The following COG2 variants were observed in gnomAD, a reference collection of about 807,000 sequenced individuals.
COG2 encodes the protein conserved oligomeric Golgi complex subunit 2.
COG2 carries 52 observed loss-of-function variants against 90.6 expected under a neutral mutation model. That is an observed-to-expected ratio of 0.57 (90% CI 0.46 to 0.72). The LOEUF (loss-of-function observed/expected upper bound fraction) is 0.72, where lower values mean the gene tolerates loss of function less well. COG2 is among the 30% of genes least tolerant of loss of function. The pLI is 0.00. For missense variants in COG2, 829 were observed against 891.2 expected (o/e 0.93, Z 0.89); for synonymous variants, 337 against 320.4 (o/e 1.05, Z -0.55).
intron 10 of COG2, chr1:230,683,122 T>G (rs1261505598): frequency 6.4e-6 from 1 of 156,540 alleles, no homozygotes; most frequent in African/African-American, 2.4e-5. Flanking sequence ...CCTGTGATTT[T>G]TCTCAAGCTG....
chr1:230,683,521 A>T, intron 10 of COG2, 53 bp from the exon 11 acceptor site: 1 of 1,348,138 alleles, frequency 7.4e-7, no homozygotes, highest in Non-Finnish European at 1.1e-6. Flanking sequence ...TGGATAGGGA[A>T]AGGCATCTGT....
intron 5 of COG2, among the ~76,000 whole-genome samples, chr1:230,664,942 A>T (rs1364972253): frequency 6.6e-6 from 1 of 152,234 alleles, no homozygotes; most frequent in Non-Finnish European, 1.5e-5. Flanking sequence ...GGCCCAGAGT[A>T]TTCCAGTTGA....
In COG2 at chr1:230,659,515, C is replaced by T. The variant is rs376190622; in HGVS notation, c.124C>T (p.Leu42=). The change falls in exon 2 of 18, where the codon CTG becomes TTG. Residue 42 remains leucine (L), a synonymous_variant. Coordinates refer to ENST00000366669, the MANE Select transcript of COG2 (RefSeq NM_007357.3). The stretch of plus-strand genomic sequence containing the variant: ...GTCTGACTGTAGGAAGCGGGTCCAG[C>T]TGGAAGAACTGAGAGATGACCTGGA... The part of the protein sequence containing the change: ...FVSDCRKRVQ[L]EELRDDLELY... 6.2e-7 allele frequency: 1 copy of T among 1,613,918 alleles called. No individual in the cohort carries two copies. Among genetic ancestry groups the T allele is most frequent in the African/African-American group, 1.3e-5 (1 of 75,046 alleles).
chr1:230,685,017 C>CACGTT, intron 11 of COG2, 68 bp from the exon 12 acceptor site: 1 of 1,527,972 alleles, frequency 6.5e-7, no homozygotes. Flanking sequence ...TCGGAAGTCT[C>CACGTT]ACATTAGACT....
intron 9 of COG2, chr1:230,678,635 A>G: frequency 7.3e-7 from 1 of 1,370,018 alleles, no homozygotes; most frequent in Non-Finnish European, 9.6e-7. Context: ...GCCCTAGAAC[A>G]TGAGCACTGC....
At chr1:230,688,338 G>A in intron 14 of COG2, 82 bp from the exon 15 acceptor site, 1 of 1,500,846 alleles carries the variant, frequency 6.7e-7, no homozygotes, top group Non-Finnish European at 9.2e-7. Flanking sequence ...AGTACACAAT[G>A]TAAATGCTGT....
chr1:230,673,053 T>C (rs1374170604), intron 8 of COG2, among the ~76,000 whole-genome samples: 1 of 152,196 alleles, frequency 6.6e-6, no homozygotes, highest in Non-Finnish European at 1.5e-5. Context: ...TTGCTACTTT[T>C]GTTTAGTAAT....
chr1:230,646,333 C>T (rs1661775629), intron 1 of COG2, among the ~76,000 whole-genome samples: 2 of 152,300 alleles, frequency 1.3e-5, no homozygotes, highest in South Asian at 4.1e-4. Flanking sequence ...TCTCTGCTTC[C>T]TTCCCTGACC....
At chr1:230,650,736 C>G (rs890298058) in intron 1 of COG2, among the ~76,000 whole-genome samples, 5 of 152,062 alleles carry the variant, frequency 3.3e-5, no homozygotes, top group African/African-American at 1.2e-4. Context: ...TTTGTTGCAT[C>G]TGCTTTGAGG....
At chr1:230,671,325 A>T in intron 7 of COG2, 191 bp from the exon 8 acceptor site, 1 of 464,208 alleles carries the variant, frequency 2.2e-6, no homozygotes, top group Non-Finnish European at 3.9e-6. Context: ...TTGTATCTGT[A>T]CAGCCTAATC....
chr1:230,681,682 G>T (rs1337233568), intron 10 of COG2: 2 of 152,180 alleles, frequency 1.3e-5, no homozygotes, highest in Non-Finnish European at 2.9e-5. Flanking sequence ...AATGACATTC[G>T]ATGTGCACAT....
At chr1:230,675,170 G>A in intron 9 of COG2, 46 bp downstream of exon 9, 1 of 1,578,214 alleles carries the variant, frequency 6.3e-7, no homozygotes, top group Non-Finnish European at 8.6e-7. Context: ...GTTAACCGGA[G>A]ACTGGAGAAA....
intron 1 of COG2, 135 bp downstream of exon 1, chr1:230,642,813 A>G (rs901863093): frequency 1.3e-5 from 10 of 768,460 alleles, no homozygotes; most frequent in African/African-American, 1.8e-5. Flanking sequence ...ACCTCGCTGC[A>G]CTTCGCAATG....
chr1:230,690,384 TG>T (rs1662997617), intron 16 of COG2: 5 of 422,078 alleles, frequency 1.2e-5, no homozygotes, highest in African/African-American at 1.0e-4. Flanking sequence ...GGCCGGGCCA[TG>T]TGCACAGTGC....
At position 230,669,482 on chromosome 1, in the gene COG2, C is replaced by G. The variant is rs772973727; in HGVS notation, c.721C>G (p.Arg241Gly). 9 of 1,613,990 alleles carry G rather than the reference C, an allele frequency of 5.6e-6. No homozygotes were observed. The East Asian group carries it at 1.8e-4, about 32-fold the overall frequency. The change falls in exon 7 of 18, where the codon CGG becomes GGG. Residue 241 changes from arginine (R) to glycine (G), a missense_variant. Coordinates refer to ENST00000366669, the MANE Select transcript of COG2 (RefSeq NM_007357.3). ...LRTYATIDKT[R>G]DAEALVGQVL... ...GACTTACGCCACGATTGACAAGACACGGGACGCGGAGGCCTTAGTTGGCCA... is the reference window on the plus strand; with the variant it reads ...GACTTACGCCACGATTGACAAGACAGGGGACGCGGAGGCCTTAGTTGGCCA...
Position 230,683,567 on chromosome 1 carries a change from A to T in COG2, c.1167-7A>T. On this transcript the variant is annotated splice_polypyrimidine_tract_variant and splice_region_variant and intron_variant, in intron 10 of 17. Coordinates refer to ENST00000366669, the MANE Select transcript of COG2 (RefSeq NM_007357.3). ...AACATTAATTCTTCTTCTTGTTTTT[A>T]TCTCAGATTTAGAGAAATAGCGGGA... is the stretch of plus-strand genomic sequence containing the variant. The T allele has an allele frequency of 6.2e-7, 1 of 1,603,056 alleles. No individual in the cohort carries two copies. Among genetic ancestry groups the T allele is most frequent in the Non-Finnish European group, 8.5e-7 (1 of 1,170,362 alleles).
At chr1:230,689,764 C>G (rs1179179860) in intron 15 of COG2, among the ~76,000 whole-genome samples, 1 of 152,248 alleles carries the variant, frequency 6.6e-6, no homozygotes, top group East Asian at 1.9e-4. Flanking sequence ...CGGTGGGTGG[C>G]TGTGCCAGCC....
intron 9 of COG2, among the ~76,000 whole-genome samples, chr1:230,677,475 A>G (rs1054401939): frequency 1.3e-5 from 2 of 152,242 alleles, no homozygotes; most frequent in African/African-American, 2.4e-5. Context: ...GTCCCATGTT[A>G]CAGTGCATTG....
chr1:230,686,713 A>C (rs1279574856), intron 12 of COG2, among the ~76,000 whole-genome samples: 2 of 152,152 alleles, frequency 1.3e-5, no homozygotes, highest in Non-Finnish European at 2.9e-5. Flanking sequence ...AAGTTCCAGA[A>C]GGTAAATGTA....
Sources: gnomAD v4.1 joint callset for allele counts (sites outside exome capture counted in the v4.1 genomes callset) on GRCh38, gnomAD v4.1.1 for gene constraint, MANE v1.5 for transcripts, NCBI Gene and HGNC (gene_info 2026-07-23, HGNC 2026-07-21) for gene names.